Variants in OPCML observed in about 807,000 individuals in gnomAD.
OPCML encodes the protein opioid-binding protein/cell adhesion molecule.
OPCML carries 13 observed loss-of-function variants against 37.8 expected under a neutral mutation model. The ratio of observed to expected loss-of-function variants is 0.34; its 90% CI spans 0.22 to 0.55. The LOEUF is 0.55. OPCML is among the 20% of genes least tolerant of loss of function. The pLI is 0.91. For missense variants in OPCML, 341 were observed against 435.6 expected, an observed-to-expected ratio of 0.78 and a Z score of 1.93; for synonymous variants, 176 against 168.8, an observed-to-expected ratio of 1.04 and a Z score of -0.33.
At chr11:132,704,005 A>T (rs1943936532) in intron 2 of OPCML, among the ~76,000 whole-genome samples, 1 of 152,184 alleles carries the variant, frequency 6.6e-6, no homozygotes, top group South Asian at 2.1e-4. Flanking sequence ...GATTTGCAGC[A>T]GTAGGCCTGG....
chr11:133,072,593 C>A (rs1298248341), intron 1 of OPCML, among the ~76,000 whole-genome samples: 1 of 152,214 alleles, frequency 6.6e-6, no homozygotes, highest in African/African-American at 2.4e-5. Flanking sequence ...CTAAGTCTAT[C>A]AAGTATGAAA....
intron 1 of OPCML, among the ~76,000 whole-genome samples, chr11:133,011,598 C>T (rs1591909229): frequency 6.8e-6 from 1 of 147,684 alleles, no homozygotes; most frequent in Non-Finnish European, 1.5e-5. Flanking sequence ...AGTGGTTTCT[C>T]TTTTTTTTTT....
chr11:132,983,680 C>G (rs1260491673), intron 1 of OPCML, among the ~76,000 whole-genome samples: 2 of 152,228 alleles, frequency 1.3e-5, no homozygotes, highest in Non-Finnish European at 2.9e-5. Context: ...ATTGCTTCTT[C>G]CCTGTCTCCC....
intron 4 of OPCML, among the ~76,000 whole-genome samples, chr11:132,508,992 T>C (rs1352062754): frequency 2.0e-5 from 3 of 152,128 alleles, no homozygotes; most frequent in Non-Finnish European, 4.4e-5. Context: ...TGTGGAAAAG[T>C]TTGGACCTCC....
intron 1 of OPCML, among the ~76,000 whole-genome samples, chr11:133,510,423 T>C (rs765061608): frequency 2.0e-5 from 3 of 152,210 alleles, no homozygotes; most frequent in Admixed American, 1.3e-4. Context: ...CCAAGCCTTC[T>C]CATTTGTGAT....
At chr11:132,476,606 C>T (rs573449512) in intron 4 of OPCML, among the ~76,000 whole-genome samples, 5 of 152,074 alleles carry the variant, frequency 3.3e-5, no homozygotes, top group Non-Finnish European at 4.4e-5. Flanking sequence ...ACCCAAACAC[C>T]GCATGTTCTC....
At chr11:132,897,998 C>T (rs1311440971) in intron 2 of OPCML, among the ~76,000 whole-genome samples, 1 of 152,148 alleles carries the variant, frequency 6.6e-6, no homozygotes, top group Admixed American at 6.5e-5. Context: ...GAATACCAGT[C>T]AATCTCTTTT....
chr11:132,826,693 A>C (rs1282197895), intron 2 of OPCML, among the ~76,000 whole-genome samples: 1 of 152,218 alleles, frequency 6.6e-6, no homozygotes, highest in Non-Finnish European at 1.5e-5. Flanking sequence ...CCTATACTGC[A>C]TTATGACCAC....
chr11:133,205,456 C>G lies in OPCML; in HGVS notation c.62-262446G>C, dbSNP rs138279641. 2.1e-4 allele frequency among the ~76,000 whole-genome samples: 32 copies of G among 152,180 alleles called. No homozygotes were observed. The highest frequency in any genetic ancestry group is 7.0e-4 in the African/African-American group (29 of 41,438). ...CCTGAAGAGGTGGGGGCTGGGAACG[C>G]TGATCAGCAGCACTGGTCCCAACCC... is the stretch of plus-strand genomic sequence containing the variant. On this transcript the variant is annotated intron_variant, in intron 1 of 7. Transcript: ENST00000524381. This position sits in a 1 kb window ranked among gnomAD's most constrained non-coding sequence, Gnocchi z 4.8.
At chr11:132,578,290 A>G (rs1412598919) in intron 3 of OPCML, among the ~76,000 whole-genome samples, 1 of 152,206 alleles carries the variant, frequency 6.6e-6, no homozygotes, top group African/African-American at 2.4e-5. Context: ...TACAGTCCTC[A>G]ACCAATGCTT....
intron 1 of OPCML, among the ~76,000 whole-genome samples, chr11:133,226,122 G>A (rs1319898292): frequency 6.6e-6 from 1 of 152,166 alleles, no homozygotes; most frequent in East Asian, 1.9e-4. Context: ...AATTAAGCGG[G>A]GATATAGACT....
intron 1 of OPCML, among the ~76,000 whole-genome samples, chr11:133,284,075 A>G (rs1216059320): frequency 1.3e-5 from 2 of 152,156 alleles, no homozygotes; most frequent in Non-Finnish European, 1.5e-5. Context: ...AGAGGTCAAT[A>G]TATTGAGCCG....
intron 1 of OPCML, among the ~76,000 whole-genome samples, chr11:133,226,498 C>A (rs575904798): frequency 1.3e-5 from 2 of 152,196 alleles, no homozygotes; most frequent in Non-Finnish European, 2.9e-5. Context: ...CCCGACATGG[C>A]GGTCCTCTTC....
chr11:133,441,301 A>G (rs1398607308), intron 1 of OPCML, among the ~76,000 whole-genome samples: 1 of 152,086 alleles, frequency 6.6e-6, no homozygotes, highest in African/African-American at 2.4e-5. Flanking sequence ...TTTTATTATC[A>G]CATGAAAAAA....
intron 1 of OPCML, among the ~76,000 whole-genome samples, chr11:133,078,449 G>T (rs1948656679): frequency 6.6e-6 from 1 of 152,228 alleles, no homozygotes; most frequent in South Asian, 2.1e-4. Flanking sequence ...ATGAGCAATG[G>T]AGTGAGCAGG....
chr11:132,925,067 G>C (rs1374813299), intron 2 of OPCML, among the ~76,000 whole-genome samples: 1 of 152,182 alleles, frequency 6.6e-6, no homozygotes, highest in Non-Finnish European at 1.5e-5. Flanking sequence ...CTCATCAAAT[G>C]AGCCCATTCT....
At chr11:133,338,642 C>T (rs970919755) in intron 1 of OPCML, among the ~76,000 whole-genome samples, 3 of 152,150 alleles carry the variant, frequency 2.0e-5, no homozygotes, top group Non-Finnish European at 2.9e-5. Flanking sequence ...GTCTCTAGGG[C>T]GGGTTGAAAT....
At chr11:133,237,252 C>T (rs1940554925) in intron 1 of OPCML, among the ~76,000 whole-genome samples, 1 of 152,226 alleles carries the variant, frequency 6.6e-6, no homozygotes, top group African/African-American at 2.4e-5. Context: ...GATGAAAGCA[C>T]CCAGAATTTG....
chr11:132,532,671 C>G (rs2096329024), intron 3 of OPCML, among the ~76,000 whole-genome samples: 1 of 152,088 alleles, frequency 6.6e-6, no homozygotes, highest in African/African-American at 2.4e-5. Flanking sequence ...TTTGTGTGCT[C>G]TGCTTCAAAT....
Sources: gnomAD v4.1 joint callset for allele counts (sites outside exome capture counted in the v4.1 genomes callset) on GRCh38, gnomAD v4.1.1 for gene constraint, Gnocchi (gnomAD v3.1) non-coding constraint, MANE v1.5 for transcripts, NCBI Gene and HGNC (gene_info 2026-07-23, HGNC 2026-07-21) for gene names.